The following AKAP7 variants were observed in gnomAD, a reference collection of about 807,000 sequenced individuals.
AKAP7 encodes the protein A kinase (PRKA) anchor protein 7.
In AKAP7, 39 loss-of-function variants were observed where a neutral mutation model predicts 39.5. The ratio of observed to expected loss-of-function variants is 0.99; its 90% CI spans 0.76 to 1.29. The LOEUF (loss-of-function observed/expected upper bound fraction) is 1.29. AKAP7 is among the 50% of genes most tolerant of loss of function. The pLI is 0.00. For missense variants in AKAP7, 414 were observed against 407.7 expected (o/e 1.02, Z -0.13); for synonymous variants, 140 against 139.1 (o/e 1.01, Z -0.05).
chr6:131,148,050 T>G (rs1386904853), intron 2 of AKAP7, among the ~76,000 whole-genome samples: 1 of 152,222 alleles, frequency 6.6e-6, no homozygotes, highest in Non-Finnish European at 1.5e-5. Flanking sequence ...GTTTGTGGCA[T>G]GCATTTCATT....
intron 5 of AKAP7, among the ~76,000 whole-genome samples, chr6:131,186,232 G>A (rs1365450072): frequency 6.6e-6 from 1 of 152,094 alleles, no homozygotes; most frequent in Non-Finnish European, 1.5e-5. Context: ...TCATTTAAAA[G>A]TGTGTGGGAC....
chr6:131,172,609 T>C (rs1407565416), intron 5 of AKAP7, among the ~76,000 whole-genome samples: 2 of 152,190 alleles, frequency 1.3e-5, no homozygotes, highest in African/African-American at 2.4e-5. Context: ...ATTACAGGCA[T>C]GAGCCACTGT....
chr6:131,148,008 T>C (rs56847793), intron 2 of AKAP7, among the ~76,000 whole-genome samples: 3,437 of 152,264 alleles, frequency 0.023, 133 homozygotes, highest in African/African-American at 0.078. Flanking sequence ...TTAACAGCCA[T>C]TGGGACCAGA....
chr6:131,139,052 GTTATT>G (rs1562856096), intron 1 of AKAP7, among the ~76,000 whole-genome samples: 2 of 152,184 alleles, frequency 1.3e-5, no homozygotes, highest in Non-Finnish European at 2.9e-5. Context: ...TTAAGAGTTG[GTTATT>G]TTAAGGCAGT....
chr6:131,282,319 A>AAAG lies in AKAP7; in HGVS notation c.*594_*596dup, dbSNP rs1815265223. On this transcript the variant is annotated 3_prime_UTR_variant, in exon 8 of 8. Transcript: ENST00000431975. ...TTCTATAAAATGTGGGCAACATTTT[A>AAAG]AAGTTTTTTTAAAATCCTATTTTGA... 4 of 1,361,682 alleles carry AAAG rather than the reference A, an allele frequency of 2.9e-6. No individual in the cohort carries two copies. Among genetic ancestry groups the AAAG allele is most frequent in the Non-Finnish European group, 3.8e-6 (4 of 1,060,200 alleles). The allele number at this position is 1,361,682 out of a possible 1,614,324, so 84.3% of individuals were successfully genotyped here.
chr6:131,229,722 C>T (rs1810482978), intron 7 of AKAP7, among the ~76,000 whole-genome samples: 1 of 152,152 alleles, frequency 6.6e-6, no homozygotes, highest in Non-Finnish European at 1.5e-5. Context: ...ACCGCACATA[C>T]TTAAAAGTAT....
At position 131,281,747 on chromosome 6, in the gene AKAP7, T is replaced by C. The variant is rs760432004; in HGVS notation, c.*21T>C. ...AATGAGCCCGGAACGCAGGCCCCCA[T>C]GTCTCTGTGCAAAGCCTCCCTGCTT... On this transcript the variant is annotated 3_prime_UTR_variant, in exon 8 of 8. Coordinates refer to ENST00000431975, the MANE Select transcript of AKAP7 (RefSeq NM_016377.4). This position sits in a 1 kb window ranked among gnomAD's most constrained non-coding sequence, Gnocchi z 4.0. 1.9e-6 allele frequency: 3 copies of C among 1,574,964 alleles called. No individual in the cohort carries two copies. The highest frequency in any genetic ancestry group is 1.7e-6 in the Non-Finnish European group (2 of 1,160,762).
intron 7 of AKAP7, among the ~76,000 whole-genome samples, chr6:131,241,623 G>GTATATACGTATATATA (rs1228757342): frequency 5.8e-5 from 4 of 68,524 alleles, no homozygotes; most frequent in African/African-American, 2.4e-4. Flanking sequence ...GTGTGTGTGT[G>GTATATACGTATATATA]TGTGTATATA....
intron 5 of AKAP7, among the ~76,000 whole-genome samples, chr6:131,173,821 T>G (rs1804314819): frequency 6.6e-6 from 1 of 152,234 alleles, no homozygotes; most frequent in South Asian, 2.1e-4. Flanking sequence ...CAAGAAACAT[T>G]TCTAATTACT....
In AKAP7 at chr6:131,150,748, C is replaced by G. The variant is rs777600724; in HGVS notation, c.151+5332C>G. ...GGACAGTTAGTTCAGCTAGTGTGTA[C>G]TTTTTCCAGGCTCAAGTTCATTCAT... On this transcript the variant is annotated intron_variant, in intron 2 of 7. Transcript: ENST00000431975. 1.1e-4 allele frequency among the ~76,000 whole-genome samples: 17 copies of G among 152,206 alleles called. No homozygotes were observed. The East Asian group carries it at 2.5e-3, about 22-fold the overall frequency.
intron 2 of AKAP7, among the ~76,000 whole-genome samples, chr6:131,146,449 A>G (rs1484977157): frequency 6.6e-6 from 1 of 152,198 alleles, no homozygotes; most frequent in African/African-American, 2.4e-5. Flanking sequence ...TCTCTATTTT[A>G]GTAAAATAAA....
chr6:131,130,882 A>C (rs143796859), upstream of AKAP7, among the ~76,000 whole-genome samples: 263 of 152,324 alleles, frequency 1.7e-3, no homozygotes, highest in African/African-American at 6.1e-3. Flanking sequence ...TTAGCTATTA[A>C]GATTTAGATG....
At chr6:131,228,939 G>A (rs891891141) in intron 7 of AKAP7, among the ~76,000 whole-genome samples, 11 of 152,096 alleles carry the variant, frequency 7.2e-5, no homozygotes, top group African/African-American at 2.2e-4. Context: ...TATTAATTGC[G>A]TTTAATCTCA....
At chr6:131,125,804 TG>T in the AKAP7 span, among the ~76,000 whole-genome samples, 1 of 152,232 alleles carries the variant, frequency 6.6e-6, no homozygotes, top group African/African-American at 2.4e-5. Context: ...TCAGGTAGTG[TG>T]GCCCATTCAT....
chr6:131,181,865 T>C (rs1015468711), intron 5 of AKAP7, among the ~76,000 whole-genome samples: 6 of 152,186 alleles, frequency 3.9e-5, no homozygotes, highest in African/African-American at 1.4e-4. Context: ...CTGGACATGC[T>C]GTAATCCTAG....
intron 5 of AKAP7, among the ~76,000 whole-genome samples, chr6:131,174,766 A>G (rs1804414265): frequency 6.6e-6 from 1 of 152,236 alleles, no homozygotes; most frequent in Non-Finnish European, 1.5e-5. Context: ...AATAAATTGT[A>G]TGTATATGCC....
intron 6 of AKAP7, among the ~76,000 whole-genome samples, chr6:131,204,825 GTGAGACTGTC>G (rs1807932557): frequency 6.6e-6 from 1 of 152,198 alleles, no homozygotes; most frequent in Admixed American, 6.5e-5. Flanking sequence ...GTGGTGTATA[GTGAGACTGTC>G]TGGAAAAGAG....
intron 2 of AKAP7, among the ~76,000 whole-genome samples, chr6:131,156,884 C>T (rs1802465875): frequency 6.6e-6 from 1 of 151,890 alleles, no homozygotes; most frequent in South Asian, 2.1e-4. Flanking sequence ...ACGCCATTCT[C>T]CTGCCTCAGC....
intron 6 of AKAP7, among the ~76,000 whole-genome samples, chr6:131,211,787 AAAAAAAG>A: frequency 6.9e-6 from 1 of 145,176 alleles, no homozygotes; most frequent in African/African-American, 2.5e-5. Context: ...AAAAAAAAAA[AAAAAAAG>A]AAAGAAAATT....
Sources: gnomAD v4.1 joint callset for allele counts (sites outside exome capture counted in the v4.1 genomes callset) on GRCh38, gnomAD v4.1.1 for gene constraint, Gnocchi (gnomAD v3.1) non-coding constraint, MANE v1.5 for transcripts, NCBI Gene and HGNC (gene_info 2026-07-23, HGNC 2026-07-21) for gene names.